Variants in CASZ1 observed in about 807,000 individuals in gnomAD.
CASZ1 encodes the protein zinc finger protein castor homolog 1.
In CASZ1, 28 loss-of-function variants were observed where a neutral mutation model predicts 135.2. The ratio of observed to expected loss-of-function variants is 0.21; its 90% CI spans 0.15 to 0.28. CASZ1 has a LOEUF of 0.28. Among genes scored for constraint, CASZ1 ranks in the 10% least tolerant of loss-of-function variants. CASZ1 has a pLI of 1.00. For synonymous variants in CASZ1, 1,068 were observed against 1,073.4 expected (o/e 0.99, Z 0.10); for missense variants, 2,161 against 2,453.3 (o/e 0.88, Z 2.52).
rs1029084923 is a variant in CASZ1, at chr1:10,756,172, G to A, written c.-77+4529C>T. Among the ~76,000 whole-genome samples, 3 of 152,090 alleles carry A rather than the reference G, an allele frequency of 2.0e-5. No individual in the cohort carries two copies. The highest frequency in any genetic ancestry group is 4.8e-5 in the African/African-American group (2 of 41,520). ...GGCCTGGGAGAGCCCCACCACTCCC[G>A]CAAGCCGCTGCCAGCCTGCACTTCT... On this transcript the variant is annotated intron_variant, in intron 2 of 20. Transcript: ENST00000377022. This position sits in a 1 kb window ranked among gnomAD's most constrained non-coding sequence, Gnocchi z 5.9.
intron 4 of CASZ1, among the ~76,000 whole-genome samples, chr1:10,683,067 G>GATT: frequency 6.6e-6 from 1 of 152,358 alleles, no homozygotes; most frequent in East Asian, 1.9e-4. Context: ...TGCTTAAACA[G>GATT]CAACGGTCAC....
rs183005794 is a variant in CASZ1, at chr1:10,749,465, T to G, written c.-77+11236A>C. Among the ~76,000 whole-genome samples, 20 of 152,264 alleles carry G rather than the reference T, an allele frequency of 1.3e-4. No individual in the cohort carries two copies. The East Asian group carries it at 2.1e-3, about 16-fold the overall frequency. Reference sequence around the variant, plus strand: ...GGTTTCACCATGTTGGCCAGGATGGTCTCGATCTCCTGATCTTGTGATCCA... The same window carrying G: ...GGTTTCACCATGTTGGCCAGGATGGGCTCGATCTCCTGATCTTGTGATCCA... On this transcript the variant is annotated intron_variant, in intron 2 of 20. Coordinates refer to ENST00000377022, the MANE Select transcript of CASZ1 (RefSeq NM_001079843.3).
intron 5 of CASZ1, among the ~76,000 whole-genome samples, chr1:10,662,380 C>G (rs562130817): frequency 1.4e-4 from 21 of 152,080 alleles, no homozygotes; most frequent in Non-Finnish European, 2.4e-4. Flanking sequence ...CTCATACTTT[C>G]ACACCCACAC....
In CASZ1 at chr1:10,701,191, C is replaced by T. The variant is rs1285444101; in HGVS notation, c.-24+4301G>A. ...CTGGTGGGGCTCCTGGGCAGCTGCT[C>T]CCTGGCAGGGAAGCGGGTACGTGGC... On this transcript the variant is annotated intron_variant, in intron 3 of 20. Transcript: ENST00000377022. The surrounding 1 kb of genome is among the most constrained non-coding windows in gnomAD (Gnocchi z 6.3). 1.3e-5 allele frequency among the ~76,000 whole-genome samples: 2 copies of T among 152,204 alleles called. No individual in the cohort carries two copies. The highest frequency in any genetic ancestry group is 4.8e-5 in the African/African-American group (2 of 41,450).
intron 4 of CASZ1, among the ~76,000 whole-genome samples, chr1:10,677,134 G>A (rs1195890751): frequency 6.6e-6 from 1 of 152,200 alleles, no homozygotes; most frequent in Non-Finnish European, 1.5e-5. Context: ...GTGGAGGGTC[G>A]AGACAGAGAG....
rs1332857833 is a variant in CASZ1, at chr1:10,774,914, A to G, written c.-233-14057T>C. 2.0e-5 allele frequency among the ~76,000 whole-genome samples: 3 copies of G among 152,088 alleles called. No homozygotes were observed. Among genetic ancestry groups the G allele is most frequent in the African/African-American group, 7.2e-5 (3 of 41,394 alleles). On this transcript the variant is annotated intron_variant, in intron 1 of 20. Coordinates refer to ENST00000377022, the MANE Select transcript of CASZ1 (RefSeq NM_001079843.3). This position sits in a 1 kb window ranked among gnomAD's most constrained non-coding sequence, Gnocchi z 4.4. ...TCCAGCTTCTCTTCCAGACTCCTCC[A>G]GTCTCTCTACTCTGGCCCTGCCAGA...
chr1:10,651,560 GATGGCCA>G (rs969277453), intron 11 of CASZ1: 1 of 152,646 alleles, frequency 6.6e-6, no homozygotes, highest in Non-Finnish European at 1.5e-5. Flanking sequence ...CGATGGGGCC[GATGGCCA>G]ATCAGAGCGG....
chr1:10,649,786 T>G (rs1256810336), intron 13 of CASZ1: 1 of 189,784 alleles, frequency 5.3e-6, no homozygotes, highest in Non-Finnish European at 1.1e-5. Context: ...CCAGAAGGTT[T>G]TCAAAAGAAG....
chr1:10,661,892 AAC>A (rs1557481879), intron 5 of CASZ1, among the ~76,000 whole-genome samples: 2 of 151,832 alleles, frequency 1.3e-5, no homozygotes, highest in Admixed American at 1.3e-4. Context: ...AATCACATAC[AAC>A]ACACATATGC....
Position 10,724,974 on chromosome 1 carries a change from A to C in CASZ1, c.-76-19430T>G, listed in dbSNP as rs540366269. Among the ~76,000 whole-genome samples, 4 of 152,320 alleles carry C rather than the reference A, an allele frequency of 2.6e-5. No homozygotes were observed. Among genetic ancestry groups the C allele is most frequent in the Non-Finnish European group, 5.9e-5 (4 of 68,022 alleles). ...GTTGAAATAACCTACAAATTACTTA[A>C]TGTGTTGTAAATCTGGGGGAATTCA... On this transcript the variant is annotated intron_variant, in intron 2 of 20. Coordinates refer to ENST00000377022, the MANE Select transcript of CASZ1 (RefSeq NM_001079843.3). The surrounding 1 kb of genome is among the most constrained non-coding windows in gnomAD (Gnocchi z 4.1).
intron 15 of CASZ1, chr1:10,648,381 T>G: frequency 4.6e-6 from 2 of 438,338 alleles, no homozygotes; most frequent in East Asian, 3.6e-5. Flanking sequence ...ACTTGTGCCC[T>G]TCCTCGGTCC....
intron 1 of CASZ1, among the ~76,000 whole-genome samples, chr1:10,781,233 CCTCCAGGCAG>C (rs1640757463): frequency 1.3e-5 from 2 of 152,232 alleles, no homozygotes; most frequent in South Asian, 4.1e-4. Flanking sequence ...CAGGCCAGCC[CCTCCAGGCAG>C]CACACAGGCC....
intron 4 of CASZ1, among the ~76,000 whole-genome samples, chr1:10,684,855 T>C (rs560965531): frequency 6.6e-6 from 1 of 152,282 alleles, no homozygotes; most frequent in South Asian, 2.1e-4. Context: ...CTCCCATCTG[T>C]AGGTTTTGAA....
In CASZ1 at chr1:10,647,670, GC is replaced by G; in HGVS notation, c.3497+130del. The stretch of plus-strand genomic sequence containing the variant: ...TTGGCTAGAAGGACATCACCCGATG[GC>G]CATGCCCCAGAGAGGCTGGGGACAG... On this transcript the variant is annotated intron_variant, in intron 16 of 20. Transcript: ENST00000377022. The surrounding 1 kb of genome is among the most constrained non-coding windows in gnomAD (Gnocchi z 4.9). 1 of 1,503,246 alleles carries G rather than the reference GC, an allele frequency of 6.7e-7. No individual in the cohort carries two copies. 93.1% of individuals were successfully genotyped at this position (1,503,246 alleles called of 1,614,324 possible).
At chr1:10,644,695 C>G (rs1388071772) in intron 18 of CASZ1, among the ~76,000 whole-genome samples, 1 of 152,236 alleles carries the variant, frequency 6.6e-6, no homozygotes, top group Non-Finnish European at 1.5e-5. Context: ...AGGGGCGGTG[C>G]CCTGCGTGAG....
Position 10,666,080 on chromosome 1 carries a change from C to T in CASZ1, c.17-509G>A, listed in dbSNP as rs1334444728. Among the ~76,000 whole-genome samples, 2 of 152,114 alleles carry T rather than the reference C, an allele frequency of 1.3e-5. No individual in the cohort carries two copies. Among genetic ancestry groups the T allele is most frequent in the Non-Finnish European group, 2.9e-5 (2 of 68,018 alleles). On this transcript the variant is annotated intron_variant, in intron 4 of 20. Coordinates refer to ENST00000377022, the MANE Select transcript of CASZ1 (RefSeq NM_001079843.3). The surrounding 1 kb of genome is among the most constrained non-coding windows in gnomAD (Gnocchi z 5.2). Reference sequence around the variant, plus strand: ...GTTCCTGGGGAGGAGTCACAGAGAGCCAGGGACCAGCTTGTGCCAGCCTCT... The same window carrying T: ...GTTCCTGGGGAGGAGTCACAGAGAGTCAGGGACCAGCTTGTGCCAGCCTCT...
chr1:10,742,776 GA>G (rs1639948626), intron 2 of CASZ1, among the ~76,000 whole-genome samples: 1 of 152,130 alleles, frequency 6.6e-6, no homozygotes, highest in Non-Finnish European at 1.5e-5. Flanking sequence ...TTGAGGTCAG[GA>G]GTTCAAGACC....
Position 10,649,117 on chromosome 1 carries a change from T to C in CASZ1, c.3111A>G (p.Glu1037=). 1 of 1,613,672 alleles carries C rather than the reference T, an allele frequency of 6.2e-7. No homozygotes were observed. Among genetic ancestry groups the C allele is most frequent in the Non-Finnish European group, 8.5e-7 (1 of 1,180,016 alleles). ...HKAHFHCVVE[E]CGALFSTLDG... is the part of the protein sequence containing the mutation. ...CCAAGGTGCTGAAGAGCGCGCCGCA[T>C]TCCTCCACCACGCAGTGGAAGTGGG... The change falls in exon 15 of 21, where the codon GAA becomes GAG. Residue 1037 remains glutamate, a synonymous_variant. Transcript: ENST00000377022.
rs1231325244 is a variant in CASZ1, at chr1:10,776,320, A to T, written c.-233-15463T>A. Reference sequence around the variant, plus strand: ...TTAATCTCCATAGTAGTGGCTTCAAAATCATTCCTCCCAGGCTCTGCCCTT... The same window carrying T: ...TTAATCTCCATAGTAGTGGCTTCAATATCATTCCTCCCAGGCTCTGCCCTT... On this transcript the variant is annotated intron_variant, in intron 1 of 20. Coordinates refer to ENST00000377022, the MANE Select transcript of CASZ1 (RefSeq NM_001079843.3). The surrounding 1 kb of genome is among the most constrained non-coding windows in gnomAD (Gnocchi z 4.1). Among the ~76,000 whole-genome samples the T allele has an allele frequency of 6.6e-6, 1 of 152,172 alleles. No individual in the cohort carries two copies. Among genetic ancestry groups the T allele is most frequent in the African/African-American group, 2.4e-5 (1 of 41,436 alleles).
Sources: gnomAD v4.1 joint callset for allele counts (sites outside exome capture counted in the v4.1 genomes callset) on GRCh38, gnomAD v4.1.1 for gene constraint, Gnocchi (gnomAD v3.1) non-coding constraint, MANE v1.5 for transcripts, NCBI Gene and HGNC (gene_info 2026-07-23, HGNC 2026-07-21) for gene names.